Variants in ZNF670 observed in about 807,000 individuals in gnomAD.
ZNF670 encodes zinc finger protein 670.
A neutral mutation model predicts 10.9 loss-of-function variants in ZNF670; 7 were observed. That is an observed-to-expected ratio of 0.64 (90% CI 0.36 to 1.20). The LOEUF is 1.20. Ranked by LOEUF, ZNF670 falls within the 50% of genes most tolerant of loss-of-function variation. The pLI is 0.02. For synonymous variants in ZNF670, 136 were observed against 152.7 expected (o/e 0.89, Z 0.81); for missense variants, 446 against 458.6 (o/e 0.97, Z 0.25).
intron 1 of ZNF670, among the ~76,000 whole-genome samples, chr1:247,058,538 G>C (rs192836188): frequency 2.9e-4 from 44 of 152,138 alleles, no homozygotes; most frequent in African/African-American, 1.0e-3. Context: ...CAGGAAAGCT[G>C]CAAACAAGAA....
At chr1:247,040,053 AGTTTT>A (rs967349421) in intron 1 of ZNF670, among the ~76,000 whole-genome samples, 1 of 152,184 alleles carries the variant, frequency 6.6e-6, no homozygotes, top group Non-Finnish European at 1.5e-5. Flanking sequence ...GCTGAACTCC[AGTTTT>A]GTTTTGTTTC....
chr1:247,038,790 C>T lies in ZNF670; in HGVS notation c.191+20G>A. 1.9e-6 allele frequency: 3 copies of T among 1,599,208 alleles called. No individual in the cohort carries two copies. The highest frequency in any genetic ancestry group is 1.1e-5 in the South Asian group (1 of 89,748). ...AAGATTCCCTCAAGGGGCATTTTTG[C>T]TCTTGTGAATGCAAATTACCTTAGA... is the stretch of plus-strand genomic sequence containing the variant. On this transcript the variant is annotated intron_variant, in intron 3 of 3. Coordinates refer to ENST00000366503, the MANE Select transcript of ZNF670 (RefSeq NM_033213.5).
rs1182919877 is a variant in ZNF670, at chr1:247,036,311, A to C, written c.*1138T>G. Among the ~76,000 whole-genome samples, 3 of 152,206 alleles carry C rather than the reference A, an allele frequency of 2.0e-5. No homozygotes were observed. Among genetic ancestry groups the C allele is most frequent in the African/African-American group, 7.2e-5 (3 of 41,452 alleles). ...GGTGAGACTGAATGCTTTCACACGC[A>C]GATTAGACAAGCATACTGTCCAATC... On this transcript the variant is annotated 3_prime_UTR_variant, in exon 4 of 4. Transcript: ENST00000366503.
chr1:247,039,477 C>A lies in ZNF670; in HGVS notation c.64G>T (p.Asp22Tyr). The change falls in exon 2 of 4, where the codon GAT (aspartate) becomes TAT (tyrosine). Residue 22 changes from aspartate (D) to tyrosine (Y), a missense_variant. Asp to Tyr is a radical substitution (Grantham distance 160). Transcript: ENST00000366503. ...AFTQEEWALL[D>Y]PSQKNLYRDV... Reference sequence around the variant, plus strand: ...CTGTAGAGATTCTTTTGAGAAGGATCCAGCAAAGCCCACTCCTCCTGAGTA... The same window carrying A: ...CTGTAGAGATTCTTTTGAGAAGGATACAGCAAAGCCCACTCCTCCTGAGTA... 6.2e-7 allele frequency: 1 copy of A among 1,606,920 alleles called. No homozygotes were observed. Among genetic ancestry groups the A allele is most frequent in the African/African-American group, 1.3e-5 (1 of 74,352 alleles).
intron 1 of ZNF670, among the ~76,000 whole-genome samples, chr1:247,041,425 T>G (rs1263014151): frequency 2.0e-5 from 3 of 152,212 alleles, no homozygotes; most frequent in Non-Finnish European, 4.4e-5. Context: ...AAAGACCACC[T>G]ATTTTTTTAA....
At chr1:247,076,929 G>A (rs1440842145) in intron 1 of ZNF670, among the ~76,000 whole-genome samples, 1 of 152,238 alleles carries the variant, frequency 6.6e-6, no homozygotes, top group African/African-American at 2.4e-5. Context: ...CCAAAATGCT[G>A]GGATTACAGG....
intron 1 of ZNF670, among the ~76,000 whole-genome samples, chr1:247,051,105 G>A (rs1423023492): frequency 2.6e-5 from 4 of 151,568 alleles, no homozygotes; most frequent in Non-Finnish European, 5.9e-5. Context: ...TCAGGAGATC[G>A]AGACCATCCT....
rs369230521 is a variant in ZNF670, at chr1:247,038,431, T to C, written c.192-4A>G. 1.9e-6 allele frequency: 3 copies of C among 1,593,126 alleles called. No homozygotes were observed. The South Asian group carries it at 3.4e-5, about 18-fold the overall frequency. On this transcript the variant is annotated splice_polypyrimidine_tract_variant and splice_region_variant and intron_variant, in intron 3 of 3. Coordinates refer to ENST00000366503, the MANE Select transcript of ZNF670 (RefSeq NM_033213.5). ...CAGTCTCTCTACCACATGACTGCTG[T>C]AAAAATGATAAACATCATTAATGGT... is the stretch of plus-strand genomic sequence containing the variant.
At chr1:247,041,331 C>A (rs967686685) in intron 1 of ZNF670, among the ~76,000 whole-genome samples, 21 of 151,924 alleles carry the variant, frequency 1.4e-4, no homozygotes, top group African/African-American at 5.1e-4. Flanking sequence ...GTAATACATG[C>A]AATATAAAAG....
chr1:247,056,981 C>T (rs72768399), intron 1 of ZNF670, among the ~76,000 whole-genome samples: 19,536 of 152,118 alleles, frequency 0.13, 1,417 homozygotes, highest in Middle Eastern at 0.2. Flanking sequence ...GGAGACCAAA[C>T]CAAACATGGA....
chr1:247,040,317 A>G (rs1279560057), intron 1 of ZNF670, among the ~76,000 whole-genome samples: 2 of 152,372 alleles, frequency 1.3e-5, no homozygotes, highest in African/African-American at 2.4e-5. Context: ...TTTATCTTTA[A>G]TAACAAACAA....
rs111796374 is a variant in ZNF670, at chr1:247,039,813, C to T, written c.4-276G>A. 8.9e-3 allele frequency among the ~76,000 whole-genome samples: 1,358 copies of T among 152,290 alleles called. 22 individuals carry two copies. The highest frequency in any genetic ancestry group is 0.03 in the African/African-American group (1,240 of 41,554). On this transcript the variant is annotated intron_variant, in intron 1 of 3. Coordinates refer to ENST00000366503, the MANE Select transcript of ZNF670 (RefSeq NM_033213.5). ...AACTGTGCTGTAAGAAATGAGGTCACCCCTAATTTCTATGTGTAGATTTTA... is the reference window on the plus strand; with the variant it reads ...AACTGTGCTGTAAGAAATGAGGTCATCCCTAATTTCTATGTGTAGATTTTA...
In ZNF670 at chr1:247,037,442, T is replaced by C; in HGVS notation, c.*7A>G. The C allele has an allele frequency of 6.3e-7, 1 of 1,582,074 alleles. No individual in the cohort carries two copies. Among genetic ancestry groups the C allele is most frequent in the Non-Finnish European group, 8.6e-7 (1 of 1,166,640 alleles). On this transcript the variant is annotated 3_prime_UTR_variant, in exon 4 of 4. Transcript: ENST00000366503. The stretch of plus-strand genomic sequence containing the variant: ...CATTGACAGAGGTGTTTTGTTGTTG[T>C]TGTTTTTTACCACATATAAGCTCTT...
chr1:247,076,279 C>T (rs1033597717), intron 1 of ZNF670, among the ~76,000 whole-genome samples: 9 of 149,276 alleles, frequency 6.0e-5, no homozygotes, highest in African/African-American at 7.4e-5. Flanking sequence ...TTTTTTGGGA[C>T]GGAGTCTTGC....
At chr1:247,046,295 A>G (rs1384556691) in intron 1 of ZNF670, among the ~76,000 whole-genome samples, 1 of 152,140 alleles carries the variant, frequency 6.6e-6, no homozygotes, top group Non-Finnish European at 1.5e-5. Context: ...GCATTTCAGA[A>G]AACTGTGGCA....
intron 1 of ZNF670, among the ~76,000 whole-genome samples, chr1:247,076,258 A>ATT (rs761879742): frequency 2.1e-5 from 3 of 141,628 alleles, no homozygotes; most frequent in Non-Finnish European, 1.6e-5. Flanking sequence ...GTGTGCTTGA[A>ATT]TTTTTTTTTT....
At chr1:247,041,419 AC>A (rs1475950985) in intron 1 of ZNF670, among the ~76,000 whole-genome samples, 1 of 152,218 alleles carries the variant, frequency 6.6e-6, no homozygotes, top group Non-Finnish European at 1.5e-5. Context: ...AAGATGAAAG[AC>A]CACCTATTTT....
intron 1 of ZNF670, chr1:247,043,306 C>A (rs1670362777): frequency 3.3e-6 from 2 of 614,836 alleles, no homozygotes; most frequent in South Asian, 1.6e-5. Flanking sequence ...TGTGATAAAT[C>A]AGTTAGAAAA....
intron 1 of ZNF670, among the ~76,000 whole-genome samples, chr1:247,067,659 G>A (rs180861284): frequency 0.024 from 3,562 of 147,788 alleles, 149 homozygotes; most frequent in African/African-American, 0.085. Flanking sequence ...CGGCTAAAAC[G>A]GTGAAACCCC....
Sources: allele counts gnomAD v4.1 joint callset (sites outside exome capture counted in the v4.1 genomes callset), GRCh38; gene constraint gnomAD v4.1.1; transcripts MANE v1.5; gene names NCBI Gene and HGNC (gene_info 2026-07-23, HGNC 2026-07-21).